The following NUDT1 variants were observed in gnomAD, a reference collection of about 807,000 sequenced individuals.
NUDT1 encodes nudix hydrolase 1, also known as oxidized purine nucleoside triphosphate hydrolase.
Under a neutral mutation model 11.3 loss-of-function variants are expected in NUDT1, and 16 were observed. That is an observed-to-expected ratio of 1.41 (90% CI 0.96 to 2.15). The LOEUF (loss-of-function observed/expected upper bound fraction) is 2.15, where lower values mean the gene tolerates loss of function less well. Ranked by LOEUF, NUDT1 falls within the 30% of genes most tolerant of loss-of-function variation. The pLI, the probability that NUDT1 is intolerant of heterozygous loss-of-function variation, is 0.00. For missense variants in NUDT1, 234 were observed against 208.4 expected (o/e 1.12, Z -0.76); for synonymous variants, 101 against 84.4 (o/e 1.20, Z -1.08).
chr7:2,242,269 C>A lies in NUDT1; in HGVS notation c.-13+13C>A. On this transcript the variant is annotated intron_variant, in intron 1 of 3. Coordinates refer to ENST00000356714, the MANE Select transcript of NUDT1 (RefSeq NM_002452.4). ...AGCGGCGGTGCAGGTACGAAAAGCG[C>A]GCGCGGGGATTCCAGGAGTCGTGGT... 1 of 1,235,148 alleles carries A rather than the reference C, an allele frequency of 8.1e-7. No homozygotes were observed. Among genetic ancestry groups the A allele is most frequent in the African/African-American group, 1.6e-5 (1 of 63,104 alleles). 76.5% of individuals were successfully genotyped at this position (1,235,148 alleles called of 1,614,324 possible).
chr7:2,242,835 C>T (rs1421902337), intron 1 of NUDT1: 1 of 663,208 alleles, frequency 1.5e-6, no homozygotes, highest in Non-Finnish European at 2.8e-6. Context: ...AGAGGGTGCT[C>T]TTTCAGTTTA....
intron 1 of NUDT1, chr7:2,242,556 A>G: frequency 1.1e-5 from 4 of 357,954 alleles, no homozygotes; most frequent in Non-Finnish European, 2.0e-5. Flanking sequence ...TGTCGGGACA[A>G]AGTACACGGG....
chr7:2,247,013 C>G (rs1272274276), intron 2 of NUDT1, among the ~76,000 whole-genome samples: 1 of 143,718 alleles, frequency 7.0e-6, no homozygotes, highest in Non-Finnish European at 1.6e-5. Context: ...CAGGCTGGTG[C>G]TTAGGGGTCC....
chr7:2,247,511 G>C lies in NUDT1; in HGVS notation c.153-2346G>C, dbSNP rs538760566. 3.9e-5 allele frequency among the ~76,000 whole-genome samples: 6 copies of C among 152,308 alleles called. No individual in the cohort carries two copies. In the East Asian group the frequency reaches 1.2e-3, roughly 29 times the overall value. The stretch of plus-strand genomic sequence containing the variant: ...TCCCTGGTCCCCAAAGACTAGCGAG[G>C]CCGGGGACACAGGAGCAGCGATGGG... On this transcript the variant is annotated intron_variant, in intron 2 of 3. Transcript: ENST00000356714.
At position 2,249,914 on chromosome 7, in the gene NUDT1, C is replaced by G. The variant is rs780140998; in HGVS notation, c.210C>G (p.Ile70Met). 2.5e-6 allele frequency: 4 copies of G among 1,614,188 alleles called. No homozygotes were observed. Among genetic ancestry groups the G allele is most frequent in the Non-Finnish European group, 2.5e-6 (3 of 1,180,022 alleles). ...ACGCCCTGCACAAGGTGGGCCAGATCGTGTTTGAGTTCGTGGGCGAGCCTG... is the reference window on the plus strand; with the variant it reads ...ACGCCCTGCACAAGGTGGGCCAGATGGTGTTTGAGTTCGTGGGCGAGCCTG... The part of the protein sequence containing the change: ...TVDALHKVGQ[I>M]VFEFVGEPEL... The change falls in exon 3 of 4, where the codon ATC (isoleucine) becomes ATG (methionine). Residue 70 changes from isoleucine to methionine, a missense_variant. Physicochemically the swap from Ile to Met is conservative, Grantham distance 10. Coordinates refer to ENST00000356714, the MANE Select transcript of NUDT1 (RefSeq NM_002452.4).
intron 1 of NUDT1, 58 bp downstream of exon 1, chr7:2,242,314 G>A (rs1050835222): frequency 1.3e-6 from 1 of 758,880 alleles, no homozygotes; most frequent in African/African-American, 1.9e-5. Flanking sequence ...GGGGAGCCGG[G>A]CCAGCGGGCG....
At chr7:2,243,316 G>T (rs187759904) in intron 1 of NUDT1, among the ~76,000 whole-genome samples, 59 of 152,338 alleles carry the variant, frequency 3.9e-4, no homozygotes, top group Non-Finnish European at 7.5e-4. Flanking sequence ...AGGTCCCTGG[G>T]CACAGGCCTG....
In NUDT1 at chr7:2,250,818, C is replaced by T; in HGVS notation, c.299-11C>T. On this transcript the variant is annotated splice_polypyrimidine_tract_variant and intron_variant, in intron 3 of 3. Coordinates refer to ENST00000356714, the MANE Select transcript of NUDT1 (RefSeq NM_002452.4). Reference sequence around the variant, plus strand: ...TGCACCTCAGTGCCTCCTCTTCCCCCATTGGTACAGAAATGCGCCCATGCT... The same window carrying T: ...TGCACCTCAGTGCCTCCTCTTCCCCTATTGGTACAGAAATGCGCCCATGCT... 2 of 1,614,048 alleles carry T rather than the reference C, an allele frequency of 1.2e-6. No individual in the cohort carries two copies. The highest frequency in any genetic ancestry group is 1.7e-5 in the Admixed American group (1 of 60,012).
intron 3 of NUDT1, among the ~76,000 whole-genome samples, 188 bp from the exon 4 acceptor site, chr7:2,250,641 G>A (rs1794967112): frequency 2.0e-5 from 3 of 149,986 alleles, no homozygotes; most frequent in South Asian, 4.3e-4. Context: ...TGTATTTTTA[G>A]TAGAGACGGG....
intron 3 of NUDT1, 78 bp downstream of exon 3, chr7:2,250,080 A>G: frequency 6.3e-7 from 1 of 1,580,530 alleles, no homozygotes; most frequent in Admixed American, 1.7e-5. Context: ...CATCCGCCCA[A>G]ACCATCTCTG....
chr7:2,248,310 C>T (rs550455708), intron 2 of NUDT1: 5 of 152,370 alleles, frequency 3.3e-5, no homozygotes, highest in African/African-American at 1.2e-4. Flanking sequence ...TCAGAAGTGT[C>T]TGCTGAGGGA....
At chr7:2,248,449 G>C (rs1439872150) in intron 2 of NUDT1, among the ~76,000 whole-genome samples, 1 of 152,106 alleles carries the variant, frequency 6.6e-6, no homozygotes, top group Non-Finnish European at 1.5e-5. Context: ...TACCAAACAG[G>C]AGTTGAGAAG....
intron 1 of NUDT1, 94 bp from the exon 2 acceptor site, chr7:2,244,466 CACT>C: frequency 2.0e-6 from 2 of 1,000,636 alleles, no homozygotes; most frequent in Non-Finnish European, 2.8e-6. Flanking sequence ...CCCCGCCCCC[CACT>C]GCCTCCCAGA....
At chr7:2,250,424 A>AC (rs1208896881) in intron 3 of NUDT1, among the ~76,000 whole-genome samples, 3 of 150,136 alleles carry the variant, frequency 2.0e-5, no homozygotes, top group African/African-American at 7.2e-5. Context: ...ACACAGTGAG[A>AC]CCCCATCTCT....
chr7:2,250,984 G>A lies in NUDT1; in HGVS notation c.454G>A (p.Glu152Lys), dbSNP rs139949371. The A allele has an allele frequency of 5.2e-5, 84 of 1,613,944 alleles. No homozygotes were observed. The Admixed American group carries it at 5.3e-4, about 10-fold the overall frequency. ...QDTILDYTLR[E>K]VDTV The stretch of plus-strand genomic sequence containing the variant: ...CACCATCCTGGACTACACACTCCGC[G>A]AGGTGGACACGGTCTAGCGGGAGCC... The change falls in exon 4 of 4, where the codon GAG becomes AAG. Residue 152 changes from glutamate to lysine, a missense_variant. Transcript: ENST00000356714.
intron 1 of NUDT1, 34 bp from the exon 2 acceptor site, chr7:2,244,529 C>T: frequency 1.3e-6 from 2 of 1,513,728 alleles, no homozygotes; most frequent in Non-Finnish European, 1.8e-6. Flanking sequence ...CCACGCACGT[C>T]ATGGCTGACT....
intron 1 of NUDT1, among the ~76,000 whole-genome samples, chr7:2,243,730 G>A (rs973735435): frequency 3.7e-4 from 56 of 152,344 alleles, no homozygotes; most frequent in African/African-American, 1.1e-3. Context: ...CCGCGATCAC[G>A]CCACTCTCCT....
intron 2 of NUDT1, among the ~76,000 whole-genome samples, chr7:2,245,072 C>G (rs1794718873): frequency 6.6e-6 from 1 of 152,176 alleles, no homozygotes; most frequent in African/African-American, 2.4e-5. Context: ...AGCACCCTCA[C>G]TGTTGCCGAA....
At chr7:2,242,436 C>A in intron 1 of NUDT1, 180 bp downstream of exon 1, 1 of 419,336 alleles carries the variant, frequency 2.4e-6, no homozygotes, top group Non-Finnish European at 4.3e-6. Flanking sequence ...AGAGCGGGGC[C>A]GGGGGTTTGG....
Sources: allele counts gnomAD v4.1 joint callset (sites outside exome capture counted in the v4.1 genomes callset), GRCh38; gene constraint gnomAD v4.1.1; transcripts MANE v1.5; gene names NCBI Gene and HGNC (gene_info 2026-07-23, HGNC 2026-07-21).